Variants in FITM2 observed in about 807,000 individuals in gnomAD.
The protein encoded by FITM2 is acyl-coenzyme A diphosphatase FITM2.
FITM2 carries 16 observed loss-of-function variants against 23.3 expected under a neutral mutation model. The observed-to-expected ratio is 0.69, with a 90% CI of 0.47 to 1.05. The LOEUF (loss-of-function observed/expected upper bound fraction) is 1.05, where lower values mean the gene tolerates loss of function less well. Among genes scored for constraint, FITM2 ranks in the 50% least tolerant of loss-of-function variants. FITM2 has a pLI of 0.00. For missense variants in FITM2, 273 were observed against 327.5 expected (o/e 0.83, Z 1.29); for synonymous variants, 132 against 142.0 (o/e 0.93, Z 0.50).
At position 44,304,117 on chromosome 20, in the gene FITM2, T is replaced by C. The variant is rs930359058; in HGVS notation, c.*2508A>G. On this transcript the variant is annotated 3_prime_UTR_variant, in exon 2 of 2. Transcript: ENST00000396825. ...TCATGACTCATTGTGATGGATAAAA[T>C]TAACCTCCAACTTGATGGGATATGA... The C allele has an allele frequency of 7.2e-5, 11 of 152,178 alleles. No individual in the cohort carries two copies. The highest frequency in any genetic ancestry group is 2.7e-4 in the African/African-American group (11 of 41,434). 9.4% of individuals were successfully genotyped at this position (152,178 alleles called of 1,614,324 possible). A position where few individuals can be genotyped will look rare whatever the true frequency, so the allele number is the denominator to read the frequency against.
In FITM2 at chr20:44,311,176, T is replaced by A. The variant is rs2062704623; in HGVS notation, c.-28A>T. 1 of 1,600,314 alleles carries A rather than the reference T, an allele frequency of 6.2e-7. No individual in the cohort carries two copies. On this transcript the variant is annotated 5_prime_UTR_variant, in exon 1 of 2. Coordinates refer to ENST00000396825, the MANE Select transcript of FITM2 (RefSeq NM_001080472.4). The stretch of plus-strand genomic sequence containing the variant: ...CGGATCTCGTCAGCCACCGTCCTCC[T>A]CTCCGTGCCCTCTCGGCCACCGTAT...
intron 1 of FITM2, 78 bp from the exon 2 acceptor site, chr20:44,307,318 C>T: frequency 6.5e-7 from 1 of 1,539,360 alleles, no homozygotes; most frequent in Non-Finnish European, 8.8e-7. Flanking sequence ...GGTCTCTACA[C>T]TGTCAGGGGA....
Position 44,307,098 on chromosome 20 carries a change from T to C in FITM2, c.316A>G (p.Ile106Val), listed in dbSNP as rs1255005349. 5 of 1,614,178 alleles carry C rather than the reference T, an allele frequency of 3.1e-6. No homozygotes were observed. The highest frequency in any genetic ancestry group is 3.4e-6 in the Non-Finnish European group (4 of 1,180,030). Residue 106 changes from isoleucine to valine, a missense_variant, in exon 2 of 2, where the codon ATC becomes GTC. By Grantham distance (29) the Ile-to-Val change is conservative. Transcript: ENST00000396825. ...TLLVGTAIWY[I>V]CTSIFSNIEH... is the part of the protein sequence containing the mutation. The stretch of plus-strand genomic sequence containing the variant: ...ATGTTGGAGAAGATGGAGGTGCAGA[T>C]GTACCAGATGGCCGTGCCCACAAGC...
rs890719881 is a variant in FITM2, at chr20:44,311,044, G to C, written c.105C>G (p.Gly35=). Residue 35 remains glycine (G), a synonymous_variant, in exon 1 of 2, where the codon GGC becomes GGG. Transcript: ENST00000396825. ...ACGGGGACAACTCCTTGAGGAGGGA[G>C]CCCGCCAGCATGGAGGCCACCAGGG... ...PWALVASMLA[G]SLLKELSPLP... 6.3e-7 allele frequency: 1 copy of C among 1,599,618 alleles called. No individual in the cohort carries two copies. Among genetic ancestry groups the C allele is most frequent in the Non-Finnish European group, 8.5e-7 (1 of 1,174,260 alleles).
At chr20:44,310,474 C>G (rs2062701830) in intron 1 of FITM2, among the ~76,000 whole-genome samples, 2 of 152,096 alleles carry the variant, frequency 1.3e-5, no homozygotes, top group Non-Finnish European at 2.9e-5. Flanking sequence ...GGGGGCTCTG[C>G]CTGTCACAGG....
rs943364516 is a variant in FITM2 at position 44,304,601 on chromosome 20, C to A, written c.*2024G>T. 4 of 152,170 alleles carry A rather than the reference C, an allele frequency of 2.6e-5. No individual in the cohort carries two copies. Among genetic ancestry groups the A allele is most frequent in the African/African-American group, 9.7e-5 (4 of 41,412 alleles). The allele number at this position is 152,170 out of a possible 1,614,324, so 9.4% of individuals were successfully genotyped here. A position where few individuals can be genotyped will look rare whatever the true frequency, so the allele number is the denominator to read the frequency against. On this transcript the variant is annotated 3_prime_UTR_variant, in exon 2 of 2. Coordinates refer to ENST00000396825, the MANE Select transcript of FITM2 (RefSeq NM_001080472.4). ...CAGGAGGGAGGGACCACAGCCATGC[C>A]ACCCTTCAATAAGGGTGATTTTGCA... is the stretch of plus-strand genomic sequence containing the variant.
At chr20:44,310,154 A>G (rs910297910) in intron 1 of FITM2, among the ~76,000 whole-genome samples, 1 of 152,232 alleles carries the variant, frequency 6.6e-6, no homozygotes, top group Admixed American at 6.5e-5. Flanking sequence ...CTTTCAGGAC[A>G]CGCCAGAGAC....
Position 44,306,862 on chromosome 20 carries a change from G to A in FITM2, c.552C>T (p.Leu184=). The A allele has an allele frequency of 1.2e-6, 2 of 1,614,176 alleles. No homozygotes were observed. ...CAACCAGGGTGGTGATGGCGGTGTGGAGGCAGTGGCTTCGGTCCGTCTTCA... is the reference window on the plus strand; with the variant it reads ...CAACCAGGGTGGTGATGGCGGTGTGAAGGCAGTGGCTTCGGTCCGTCTTCA... ...HEVKTDRSHC[L]HTAITTLVVA... Residue 184 remains leucine, a synonymous_variant, in exon 2 of 2, where the codon CTC becomes CTT. Coordinates refer to ENST00000396825, the MANE Select transcript of FITM2 (RefSeq NM_001080472.4).
rs2062689108 is a variant in FITM2, at chr20:44,306,189, C to T, written c.*436G>A. The T allele has an allele frequency of 5.4e-6, 1 of 185,750 alleles. No individual in the cohort carries two copies. The highest frequency in any genetic ancestry group is 2.4e-5 in the African/African-American group (1 of 42,214). The allele number at this position is 185,750 out of a possible 1,614,324, so 11.5% of individuals were successfully genotyped here. A position where few individuals can be genotyped will look rare whatever the true frequency, so the allele number is the denominator to read the frequency against. ...TAGAGGTGTGAACCACCATGCCTGG[C>T]TGGAAAATACTGTTAAGTAACAGCA... is the stretch of plus-strand genomic sequence containing the variant. On this transcript the variant is annotated 3_prime_UTR_variant, in exon 2 of 2. Transcript: ENST00000396825.
rs1298052313 is a variant in FITM2 at position 44,306,219 on chromosome 20, G to A, written c.*406C>T. On this transcript the variant is annotated 3_prime_UTR_variant, in exon 2 of 2. Transcript: ENST00000396825. ...AAATACTGTTAAGTAACAGCAGTAA[G>A]AGCCGTGAAAATCTAAAGACAACTG... is the stretch of plus-strand genomic sequence containing the variant. The A allele has an allele frequency of 4.8e-6, 1 of 207,274 alleles. No individual in the cohort carries two copies. Among genetic ancestry groups the A allele is most frequent in the Non-Finnish European group, 9.9e-6 (1 of 101,484 alleles). The allele number at this position is 207,274 out of a possible 1,614,324, so 12.8% of individuals were successfully genotyped here.
chr20:44,303,609 G>C lies in FITM2; in HGVS notation c.*3016C>G, dbSNP rs1290257784. ...CCTGTGCCTATTCCCTTTTGGTGCT[G>C]AACATGACACTTTGGAGAGCCTTTT... On this transcript the variant is annotated 3_prime_UTR_variant, in exon 2 of 2. Transcript: ENST00000396825. 1 of 151,728 alleles carries C rather than the reference G, an allele frequency of 6.6e-6. No homozygotes were observed. Among genetic ancestry groups the C allele is most frequent in the African/African-American group, 2.4e-5 (1 of 41,264 alleles). The allele number at this position is 151,728 out of a possible 1,614,324, so 9.4% of individuals were successfully genotyped here. A position where few individuals can be genotyped will look rare whatever the true frequency, so the allele number is the denominator to read the frequency against.
chr20:44,310,164 C>T (rs2062701116), intron 1 of FITM2, among the ~76,000 whole-genome samples: 1 of 152,194 alleles, frequency 6.6e-6, no homozygotes, highest in African/African-American at 2.4e-5. Context: ...ACGCCAGAGA[C>T]ACTTATTCTG....
rs1327140763 is a variant in FITM2, at chr20:44,305,132, T to TCAACCAGCCAACCAACCAAC, written c.*1473_*1492dup. 2 of 152,088 alleles carry TCAACCAGCCAACCAACCAAC rather than the reference T, an allele frequency of 1.3e-5. No individual in the cohort carries two copies. Among genetic ancestry groups the TCAACCAGCCAACCAACCAAC allele is most frequent in the East Asian group, 3.9e-4 (2 of 5,188 alleles). 9.4% of individuals were successfully genotyped at this position (152,088 alleles called of 1,614,324 possible). A position where few individuals can be genotyped will look rare whatever the true frequency, so the allele number is the denominator to read the frequency against. ...TTAGTGTTCTAAACCAACCAACCAA[T>TCAACCAGCCAACCAACCAAC]CAACCAGCCAACCAACCAACCAACA... On this transcript the variant is annotated 3_prime_UTR_variant, in exon 2 of 2. Transcript: ENST00000396825.
chr20:44,309,156 G>A (rs896760877), intron 1 of FITM2, among the ~76,000 whole-genome samples: 1 of 151,526 alleles, frequency 6.6e-6, no homozygotes, highest in East Asian at 1.9e-4. Flanking sequence ...CACCACACTC[G>A]GCTAATTTTT....
intron 1 of FITM2, among the ~76,000 whole-genome samples, chr20:44,307,853 C>G (rs1470839800): frequency 1.3e-5 from 2 of 151,754 alleles, no homozygotes; most frequent in Non-Finnish European, 2.9e-5. Flanking sequence ...TTTGGGAGGC[C>G]GAGGTGGGCA....
intron 1 of FITM2, among the ~76,000 whole-genome samples, chr20:44,307,486 C>T (rs1039149181): frequency 6.6e-6 from 1 of 151,948 alleles, no homozygotes; most frequent in Non-Finnish European, 1.5e-5. Flanking sequence ...AGTGCAGTGG[C>T]GCAATCTCAG....
rs773025384 is a variant in FITM2 at position 44,306,670 on chromosome 20, G to A, written c.744C>T (p.Pro248=). The change falls in exon 2 of 2, where the codon CCC becomes CCT. Residue 248 remains proline, a synonymous_variant. Transcript: ENST00000396825. ...YPKAFSPGLP[P]QSCSLNLKQD... is the part of the protein sequence containing the mutation. ...GCTTCAAATTCAAACTACAGCTCTG[G>A]GGAGGAAGTCCTGGGGAAAAGGCTT... 11 of 1,613,978 alleles carry A rather than the reference G, an allele frequency of 6.8e-6. No homozygotes were observed. The East Asian group carries it at 2.5e-4, about 36-fold the overall frequency.
rs1252121845 is a variant in FITM2 at position 44,306,161 on chromosome 20, G to T, written c.*464C>A. On this transcript the variant is annotated 3_prime_UTR_variant, in exon 2 of 2. Coordinates refer to ENST00000396825, the MANE Select transcript of FITM2 (RefSeq NM_001080472.4). The stretch of plus-strand genomic sequence containing the variant: ...CTGCCTCGGCCTCCCAAAGTGCAGG[G>T]ATTAGAGGTGTGAACCACCATGCCT... 4 of 180,766 alleles carry T rather than the reference G, an allele frequency of 2.2e-5. No homozygotes were observed. Among genetic ancestry groups the T allele is most frequent in the African/African-American group, 9.5e-5 (4 of 42,070 alleles). The allele number at this position is 180,766 out of a possible 1,614,324, so 11.2% of individuals were successfully genotyped here. A position where few individuals can be genotyped will look rare whatever the true frequency, so the allele number is the denominator to read the frequency against.
chr20:44,306,716 G>A lies in FITM2; in HGVS notation c.698C>T (p.Thr233Ile), dbSNP rs140332102. 305 of 1,614,012 alleles carry A rather than the reference G, an allele frequency of 1.9e-4. No homozygotes were observed. Among genetic ancestry groups the A allele is most frequent in the Non-Finnish European group, 9.7e-5 (115 of 1,180,046 alleles). Reference protein sequence around the residue: ...TLFGLLSWYGTYGFWYPKAFS... With the variant: ...TLFGLLSWYGIYGFWYPKAFS... Reference sequence around the variant, plus strand: ...GGCTTTCGGATACCAAAACCCGTATGTCCCGTACCAGCTCAGCAAACCAAA... The same window carrying A: ...GGCTTTCGGATACCAAAACCCGTATATCCCGTACCAGCTCAGCAAACCAAA... Residue 233 changes from threonine (T) to isoleucine (I), a missense_variant, in exon 2 of 2, where the codon ACA becomes ATA. Thr to Ile is a moderately conservative substitution (Grantham distance 89). This residue lies in a region of FITM2 where 117 missense variants were observed against 183.3 expected (regional missense o/e 0.64). Coordinates refer to ENST00000396825, the MANE Select transcript of FITM2 (RefSeq NM_001080472.4).
Sources: allele counts gnomAD v4.1 joint callset (sites outside exome capture counted in the v4.1 genomes callset), GRCh38; gene constraint gnomAD v4.1.1; regional missense constraint gnomAD v4.1.1; transcripts MANE v1.5; gene names NCBI Gene and HGNC (gene_info 2026-07-23, HGNC 2026-07-21).